The following SH3RF3 variants were observed in gnomAD, a reference collection of about 807,000 sequenced individuals.
SH3RF3 encodes the protein SH3 domain containing ring finger 3, also known as E3 ubiquitin-protein ligase SH3RF3.
A neutral mutation model predicts 66.3 loss-of-function variants in SH3RF3; 29 were observed. The observed-to-expected ratio is 0.44, with a 90% CI of 0.33 to 0.60. SH3RF3 has a LOEUF of 0.60. SH3RF3 is among the 20% of genes least tolerant of loss of function. The pLI is 0.04. For missense variants in SH3RF3, 1,194 were observed against 1,190.9 expected (o/e 1.00, Z -0.04); for synonymous variants, 583 against 532.0 (o/e 1.10, Z -1.32).
At chr2:109,371,543 G>GTGTGTCCGTATGCT (rs1559047908) in intron 2 of SH3RF3, 43 bp from the exon 3 acceptor site, 2 of 1,546,190 alleles carry the variant, frequency 1.3e-6, no homozygotes, top group South Asian at 2.3e-5. Context: ...TTCATTGTGT[G>GTGTGTCCGTATGCT]TGTGTCCGTA....
intron 5 of SH3RF3, 45 bp downstream of exon 5, chr2:109,419,687 T>G: frequency 6.6e-7 from 1 of 1,523,618 alleles, no homozygotes. Flanking sequence ...CCTGCAGCCC[T>G]CCCTCCTGCC....
At chr2:109,263,388 AT>A (rs1480357383) in intron 1 of SH3RF3, among the ~76,000 whole-genome samples, 1 of 152,098 alleles carries the variant, frequency 6.6e-6, no homozygotes, top group Non-Finnish European at 1.5e-5. Context: ...TTTTGTCTTT[AT>A]TTTTTATAGG....
chr2:109,136,081 C>T (rs549682029), intron 1 of SH3RF3, among the ~76,000 whole-genome samples: 1 of 152,186 alleles, frequency 6.6e-6, no homozygotes, highest in Non-Finnish European at 1.5e-5. Context: ...ATTGTTTCTT[C>T]CTCCTGGCTT....
At chr2:109,244,550 T>A (rs1291808886) in intron 1 of SH3RF3, among the ~76,000 whole-genome samples, 1 of 152,214 alleles carries the variant, frequency 6.6e-6, no homozygotes, top group Non-Finnish European at 1.5e-5. Flanking sequence ...GAACTGTTTT[T>A]AAGATGAGAG....
chr2:109,322,944 G>T (rs1682061397), intron 1 of SH3RF3, among the ~76,000 whole-genome samples: 1 of 152,222 alleles, frequency 6.6e-6, no homozygotes, highest in Admixed American at 6.5e-5. Flanking sequence ...AATTTAGTGA[G>T]AGTGGGCAGG....
intron 9 of SH3RF3, among the ~76,000 whole-genome samples, chr2:109,492,993 A>ACAC (rs1394975021): frequency 1.1e-4 from 16 of 152,032 alleles, no homozygotes; most frequent in African/African-American, 3.9e-4. Context: ...ACTGCACACC[A>ACAC]CACTGTGCAA....
intron 8 of SH3RF3, among the ~76,000 whole-genome samples, chr2:109,467,824 C>T (rs1008839670): frequency 3.9e-5 from 6 of 152,166 alleles, no homozygotes; most frequent in African/African-American, 1.2e-4. Context: ...AGGCTGCACA[C>T]GCAGAGGAAC....
intron 1 of SH3RF3, among the ~76,000 whole-genome samples, chr2:109,206,162 G>T (rs899207420): frequency 6.6e-6 from 1 of 152,074 alleles, no homozygotes; most frequent in Admixed American, 6.6e-5. Flanking sequence ...GTTATTCTGG[G>T]GACACAGCAC....
chr2:109,172,124 G>A (rs1037951909), intron 1 of SH3RF3, among the ~76,000 whole-genome samples: 5 of 152,246 alleles, frequency 3.3e-5, no homozygotes, highest in African/African-American at 1.2e-4. Flanking sequence ...ACCTGGGGCA[G>A]AGCGGGTGGG....
At chr2:109,238,343 G>C (rs1164146943) in intron 1 of SH3RF3, among the ~76,000 whole-genome samples, 1 of 152,178 alleles carries the variant, frequency 6.6e-6, no homozygotes, top group Non-Finnish European at 1.5e-5. Flanking sequence ...TATGCACAGA[G>C]ACAAGGCTGG....
intron 1 of SH3RF3, among the ~76,000 whole-genome samples, chr2:109,184,629 C>A (rs1017543874): frequency 6.6e-6 from 1 of 152,250 alleles, no homozygotes; most frequent in South Asian, 2.1e-4. Context: ...ATGGGCTTCC[C>A]AGAGAGTGAG....
chr2:109,409,034 A>G (rs944193519), intron 4 of SH3RF3, among the ~76,000 whole-genome samples: 2 of 152,242 alleles, frequency 1.3e-5, no homozygotes, highest in African/African-American at 2.4e-5. Context: ...AAGGGGTCCT[A>G]TAACTTCCTT....
At chr2:109,138,138 C>T (rs1213501122) in intron 1 of SH3RF3, among the ~76,000 whole-genome samples, 1 of 152,230 alleles carries the variant, frequency 6.6e-6, no homozygotes, top group Non-Finnish European at 1.5e-5. Flanking sequence ...GCCTCAGCCT[C>T]CCAAGTGGCT....
At chr2:109,422,364 C>G (rs534040617) in intron 5 of SH3RF3, among the ~76,000 whole-genome samples, 2 of 152,350 alleles carry the variant, frequency 1.3e-5, no homozygotes, top group African/African-American at 4.8e-5. Context: ...CAGGCCACAT[C>G]ATGTGCACTG....
Position 109,419,549 on chromosome 2 carries a change from C to A in SH3RF3, c.1310C>A (p.Ser437Tyr). 6.3e-7 allele frequency: 1 copy of A among 1,595,776 alleles called. No individual in the cohort carries two copies. The highest frequency in any genetic ancestry group is 8.5e-7 in the Non-Finnish European group (1 of 1,171,776). The change falls in exon 5 of 10, where the codon TCC becomes TAC. Residue 437 changes from serine to tyrosine, a missense_variant. Transcript: ENST00000309415. ...SCAAPTQDVS[S>Y]SAGSTPTAVP... The stretch of plus-strand genomic sequence containing the variant: ...CTTGTCTGTTTCCAGGATGTCTCCT[C>A]CTCGGCGGGATCTACCCCCACGGCT...
intron 1 of SH3RF3, among the ~76,000 whole-genome samples, chr2:109,197,705 C>G (rs1438459507): frequency 3.3e-5 from 5 of 152,218 alleles, no homozygotes; most frequent in African/African-American, 1.2e-4. Flanking sequence ...CCCAGTAGGG[C>G]CGGGTGTGTG....
chr2:109,254,030 C>T (rs916021857), intron 1 of SH3RF3, among the ~76,000 whole-genome samples: 8 of 151,926 alleles, frequency 5.3e-5, no homozygotes, highest in African/African-American at 1.9e-4. Flanking sequence ...AGGCACCATT[C>T]ACATCACATT....
chr2:109,146,854 C>T (rs1677110669), intron 1 of SH3RF3, among the ~76,000 whole-genome samples: 1 of 87,694 alleles, frequency 1.1e-5, no homozygotes, highest in Non-Finnish European at 2.4e-5. Flanking sequence ...CCCTCCCCTC[C>T]CTCTCTTCCC....
At chr2:109,409,627 G>A (rs1226350038) in intron 4 of SH3RF3, among the ~76,000 whole-genome samples, 1 of 152,134 alleles carries the variant, frequency 6.6e-6, no homozygotes, top group African/African-American at 2.4e-5. Context: ...AGTTATGTGG[G>A]CAGAAGGCGT....
Sources: gnomAD v4.1 joint callset for allele counts (sites outside exome capture counted in the v4.1 genomes callset) on GRCh38, gnomAD v4.1.1 for gene constraint, MANE v1.5 for transcripts, NCBI Gene and HGNC (gene_info 2026-07-23, HGNC 2026-07-21) for gene names.